SIL1: variants seen among roughly 807,000 people sequenced by gnomAD.
The protein encoded by SIL1 is SIL1 nucleotide exchange factor, also known as nucleotide exchange factor SIL1.
In SIL1, 40 loss-of-function variants were observed where a neutral mutation model predicts 49.1. The ratio of observed to expected loss-of-function variants is 0.81; its 90% CI spans 0.63 to 1.06. The LOEUF is 1.06. Ranked by LOEUF, SIL1 falls within the 50% of genes least tolerant of loss-of-function variation. The pLI is 0.00. For missense variants in SIL1, 500 were observed against 572.6 expected (o/e 0.87, Z 1.29); for synonymous variants, 253 against 250.8 (o/e 1.01, Z -0.08).
intron 3 of SIL1, among the ~76,000 whole-genome samples, chr5:139,073,856 C>T (rs895714533): frequency 1.1e-4 from 16 of 151,426 alleles, no homozygotes; most frequent in African/African-American, 3.4e-4. Flanking sequence ...GCCAAGACCA[C>T]ACCATTGCAC....
intron 3 of SIL1, among the ~76,000 whole-genome samples, chr5:139,117,934 A>T (rs1561868894): frequency 6.6e-6 from 1 of 152,048 alleles, no homozygotes; most frequent in Admixed American, 6.5e-5. Flanking sequence ...TCTGCCTTCA[A>T]ATGAGCACAG....
At chr5:139,018,786 CAG>C (rs1457249852) in intron 7 of SIL1, among the ~76,000 whole-genome samples, 1 of 152,096 alleles carries the variant, frequency 6.6e-6, no homozygotes, top group African/African-American at 2.4e-5. Flanking sequence ...TTGTCACTGA[CAG>C]GTGCTTTACA....
intron 1 of SIL1, among the ~76,000 whole-genome samples, chr5:139,159,577 C>T (rs904443594): frequency 6.6e-6 from 1 of 152,174 alleles, no homozygotes; most frequent in Non-Finnish European, 1.5e-5. Flanking sequence ...AAAAAAATCA[C>T]TAATTGTACC....
At chr5:138,960,624 TTTTGTA>T (rs1423208291) in intron 7 of SIL1, among the ~76,000 whole-genome samples, 2 of 152,102 alleles carry the variant, frequency 1.3e-5, no homozygotes, top group Admixed American at 6.5e-5. Context: ...TTGTTTTTGT[TTTTGTA>T]TTTTTAGTGG....
At chr5:139,080,312 ATGT>A (rs1218392044) in intron 3 of SIL1, among the ~76,000 whole-genome samples, 3 of 152,184 alleles carry the variant, frequency 2.0e-5, no homozygotes, top group Non-Finnish European at 2.9e-5. Flanking sequence ...CTGTGGGCTA[ATGT>A]TGTCCTGAAA....
chr5:139,007,164 G>A (rs1768138940), intron 7 of SIL1, among the ~76,000 whole-genome samples: 2 of 146,266 alleles, frequency 1.4e-5, no homozygotes, highest in African/African-American at 5.2e-5. Context: ...TCTCCTTGAA[G>A]AGGTCCTTCA....
chr5:139,016,497 A>G (rs529674660), intron 7 of SIL1, among the ~76,000 whole-genome samples: 6 of 152,244 alleles, frequency 3.9e-5, no homozygotes, highest in African/African-American at 1.2e-4. Flanking sequence ...GAAAAGAGAG[A>G]AGGAGGACAA....
At chr5:139,127,936 T>C (rs1237894670) in intron 1 of SIL1, 83 bp from the exon 2 acceptor site, 1 of 845,196 alleles carries the variant, frequency 1.2e-6, no homozygotes, top group Non-Finnish European at 2.0e-6. Context: ...ATGTCGTCAC[T>C]TGCTCACATG....
At chr5:139,039,715 G>A (rs941598811) in intron 5 of SIL1, among the ~76,000 whole-genome samples, 1 of 152,024 alleles carries the variant, frequency 6.6e-6, no homozygotes, top group Non-Finnish European at 1.5e-5. Flanking sequence ...GGGGGAATAG[G>A]GAGAAATAAG....
At chr5:139,062,242 CT>C (rs34712860) in intron 3 of SIL1, among the ~76,000 whole-genome samples, 3 of 151,944 alleles carry the variant, frequency 2.0e-5, no homozygotes, top group Non-Finnish European at 2.9e-5. Context: ...AAATGGAGAC[CT>C]TTTTTTTAAA....
chr5:138,978,219 C>T (rs1325748813), intron 7 of SIL1, among the ~76,000 whole-genome samples: 1 of 148,422 alleles, frequency 6.7e-6, no homozygotes, highest in Non-Finnish European at 1.5e-5. Context: ...CGCAACTCTC[C>T]CCAACCCCCA....
chr5:139,140,294 A>C (rs1751055309), intron 1 of SIL1, among the ~76,000 whole-genome samples: 1 of 152,208 alleles, frequency 6.6e-6, no homozygotes, highest in Admixed American at 6.5e-5. Context: ...GACACTAATT[A>C]CAACTTTGTA....
intron 1 of SIL1, among the ~76,000 whole-genome samples, chr5:139,157,037 AC>A (rs1335713351): frequency 1.3e-5 from 2 of 152,112 alleles, no homozygotes; most frequent in African/African-American, 2.4e-5. Flanking sequence ...CTGATGGGTG[AC>A]CCTGCCAAGA....
At chr5:139,051,123 G>A (rs1769275573) in intron 3 of SIL1, 77 bp from the exon 4 acceptor site, 71 of 1,286,896 alleles carry the variant, frequency 5.5e-5, no homozygotes, top group Non-Finnish European at 7.4e-5. Context: ...CAAGCCAACA[G>A]GACTTACTAG....
chr5:139,191,051 G>A (rs751146453), intron 1 of SIL1, among the ~76,000 whole-genome samples: 2 of 151,848 alleles, frequency 1.3e-5, no homozygotes, highest in African/African-American at 2.4e-5. Context: ...GGCCAACATG[G>A]TAAAACCCCA....
intron 3 of SIL1, among the ~76,000 whole-genome samples, chr5:139,103,993 C>T (rs540104425): frequency 1.7e-3 from 261 of 151,492 alleles, no homozygotes; most frequent in Admixed American, 3.3e-3. Context: ...GAAAGAGGCT[C>T]AGCTCTAGAC....
chr5:139,065,875 G>A (rs1290417256), intron 3 of SIL1, among the ~76,000 whole-genome samples: 4 of 152,288 alleles, frequency 2.6e-5, no homozygotes, highest in African/African-American at 9.6e-5. Flanking sequence ...GCAGATTCAG[G>A]CCCTACTGAC....
intron 7 of SIL1, among the ~76,000 whole-genome samples, chr5:138,973,201 T>TAAA (rs5871690): frequency 6.3e-4 from 66 of 105,350 alleles, no homozygotes; most frequent in African/African-American, 1.8e-3. Flanking sequence ...TTGAAGTATT[T>TAAA]AAAAAAAAAA....
chr5:139,107,436 A>G (rs1044701254), intron 3 of SIL1, among the ~76,000 whole-genome samples: 1 of 152,256 alleles, frequency 6.6e-6, no homozygotes, highest in East Asian at 1.9e-4. Flanking sequence ...TATACTCTTC[A>G]TCCAGATTTT....
Sources: allele counts gnomAD v4.1 joint callset (sites outside exome capture counted in the v4.1 genomes callset), GRCh38; gene constraint gnomAD v4.1.1; transcripts MANE v1.5; gene names NCBI Gene and HGNC (gene_info 2026-07-23, HGNC 2026-07-21).